KYAT3: variants seen among roughly 807,000 people sequenced by gnomAD.
KYAT3 encodes the protein kynurenine--oxoglutarate transaminase 3.
Under a neutral mutation model 59.0 loss-of-function variants are expected in KYAT3, and 50 were observed. The ratio of observed to expected loss-of-function variants is 0.85; its 90% CI spans 0.68 to 1.07. KYAT3 has a LOEUF of 1.07. KYAT3 is among the 50% of genes least tolerant of loss of function. The pLI, the probability that KYAT3 is intolerant of heterozygous loss-of-function variation, is 0.00. For missense variants in KYAT3, 497 were observed against 533.3 expected, an observed-to-expected ratio of 0.93 and a Z score of 0.67; for synonymous variants, 148 against 177.0, an observed-to-expected ratio of 0.84 and a Z score of 1.30.
chr1:88,964,624 TTGTC>T (rs1165627313), intron 5 of KYAT3: 3 of 514,518 alleles, frequency 5.8e-6, no homozygotes, highest in East Asian at 7.7e-5. Flanking sequence ...TATCATATCT[TTGTC>T]TGGTTGTAGT....
rs527490568 is a variant in KYAT3 at position 88,968,480 on chromosome 1, G to A, written c.303+190C>T. Reference sequence around the variant, plus strand: ...GCCAAAAGAAAGAAAAGTGTAGAGGGGCTGGAAGTAGGCGAAGGCTCATCT... The same window carrying A: ...GCCAAAAGAAAGAAAAGTGTAGAGGAGCTGGAAGTAGGCGAAGGCTCATCT... On this transcript the variant is annotated intron_variant, in intron 4 of 13. Transcript: ENST00000260508. Among the ~76,000 whole-genome samples, 3 of 152,220 alleles carry A rather than the reference G, an allele frequency of 2.0e-5. 1 individual carries two copies. Among genetic ancestry groups the A allele is most frequent in the Middle Eastern group, 6.8e-3 (2 of 294 alleles).
chr1:88,968,842 A>G lies in KYAT3; in HGVS notation c.159-28T>C, dbSNP rs201347952. On this transcript the variant is annotated intron_variant, in intron 3 of 13. Transcript: ENST00000260508. ...AAGATTGAAAAAAATACTAATATTA[A>G]TAAGTTCTACAATTATAAAGTTCGC... The G allele has an allele frequency of 4.6e-5, 70 of 1,521,686 alleles. No individual in the cohort carries two copies. The African/African-American group carries it at 8.9e-4, about 19-fold the overall frequency. The allele number at this position is 1,521,686 out of a possible 1,614,324, so 94.3% of individuals were successfully genotyped here. A position where few individuals can be genotyped will look rare whatever the true frequency, so the allele number is the denominator to read the frequency against.
chr1:88,963,038 G>A (rs1209098459), intron 5 of KYAT3, among the ~76,000 whole-genome samples: 2 of 150,562 alleles, frequency 1.3e-5, no homozygotes, highest in Non-Finnish European at 2.9e-5. Flanking sequence ...TTTAGGTGCT[G>A]GCAGTAAAGC....
intron 2 of KYAT3, among the ~76,000 whole-genome samples, chr1:88,978,054 T>C (rs1676875262): frequency 1.3e-5 from 2 of 152,048 alleles, no homozygotes; most frequent in Non-Finnish European, 2.9e-5. Context: ...CTATTGTATA[T>C]AGATATGTAT....
In KYAT3 at chr1:88,951,693, G is replaced by A. The variant is rs567521899; in HGVS notation, c.954+1370C>T. Among the ~76,000 whole-genome samples, 12 of 151,492 alleles carry A rather than the reference G, an allele frequency of 7.9e-5. 1 individual carries two copies. The South Asian group carries it at 1.7e-3, about 21-fold the overall frequency. The stretch of plus-strand genomic sequence containing the variant: ...TAGTTTTTCTTTTTTACTTTATGAT[G>A]TATTCTAGAAATCTTTTTTATCTCA... On this transcript the variant is annotated intron_variant, in intron 10 of 13. Coordinates refer to ENST00000260508, the MANE Select transcript of KYAT3 (RefSeq NM_001008661.3).
At chr1:88,955,059 C>G (rs557039614) in intron 9 of KYAT3, 90 bp downstream of exon 9, 3 of 856,026 alleles carry the variant, frequency 3.5e-6, no homozygotes, top group South Asian at 1.4e-5. Context: ...AGCCACCATG[C>G]CTGGCCAGCA....
intron 4 of KYAT3, among the ~76,000 whole-genome samples, chr1:88,965,695 T>C (rs1195539134): frequency 6.6e-6 from 1 of 152,134 alleles, no homozygotes; most frequent in Non-Finnish European, 1.5e-5. Flanking sequence ...CCCCTCCTTG[T>C]TTTATTTGGT....
At chr1:88,991,881 T>C (rs1355078791) in intron 1 of KYAT3, among the ~76,000 whole-genome samples, 1 of 152,168 alleles carries the variant, frequency 6.6e-6, no homozygotes, top group Non-Finnish European at 1.5e-5. Context: ...TCTGCGCCAC[T>C]CGACTCCAAA....
rs992144197 is a variant in KYAT3, at chr1:88,936,054, T to C, written c.*129A>G. The stretch of plus-strand genomic sequence containing the variant: ...TTGTTAGGAGTTGGGTTAACTGCTT[T>C]GGAAAAACAATGGAAATATTTAAAT... On this transcript the variant is annotated 3_prime_UTR_variant, in exon 14 of 14. Transcript: ENST00000260508. 1.8e-5 allele frequency: 12 copies of C among 660,146 alleles called. No homozygotes were observed. In the African/African-American group the frequency reaches 2.1e-4, roughly 12 times the overall value. The allele number at this position is 660,146 out of a possible 1,614,324, so 40.9% of individuals were successfully genotyped here.
At chr1:88,977,169 C>A (rs1676823492) in intron 2 of KYAT3, among the ~76,000 whole-genome samples, 1 of 150,634 alleles carries the variant, frequency 6.6e-6, no homozygotes, top group South Asian at 2.1e-4. Context: ...CACGTGCCAC[C>A]ATGCCCAGCT....
chr1:88,926,827 C>A, the KYAT3 span, among the ~76,000 whole-genome samples: 1 of 152,204 alleles, frequency 6.6e-6, no homozygotes, highest in Non-Finnish European at 1.5e-5. Flanking sequence ...AGGTTACCCA[C>A]ACCCTCTCTG....
At chr1:88,926,956 A>T in the KYAT3 span, among the ~76,000 whole-genome samples, 1 of 152,154 alleles carries the variant, frequency 6.6e-6, no homozygotes, top group Non-Finnish European at 1.5e-5. Context: ...GCACAAATGC[A>T]ATGTTGGGCA....
rs767558764 is a variant in KYAT3 at position 88,962,176 on chromosome 1, G to A, written c.454-31C>T. 13 of 1,438,110 alleles carry A rather than the reference G, an allele frequency of 9.0e-6. No individual in the cohort carries two copies. The East Asian group carries it at 3.0e-4, about 33-fold the overall frequency. The allele number at this position is 1,438,110 out of a possible 1,614,324, so 89.1% of individuals were successfully genotyped here. ...ATAAAAGCAAATAAGATCACAACCT[G>A]TCAATCATTTATTCATGTTAATAAT... On this transcript the variant is annotated intron_variant, in intron 5 of 13. Transcript: ENST00000260508.
At chr1:88,955,586 G>C (rs376230978) in intron 8 of KYAT3, among the ~76,000 whole-genome samples, 3 of 152,178 alleles carry the variant, frequency 2.0e-5, no homozygotes, top group African/African-American at 7.2e-5. Context: ...CTGCAGGTTC[G>C]ATAAAATAGG....
At chr1:88,992,012 T>C (rs1677830238) in intron 1 of KYAT3, among the ~76,000 whole-genome samples, 1 of 147,868 alleles carries the variant, frequency 6.8e-6, no homozygotes, top group Non-Finnish European at 1.5e-5. Context: ...GGAGTCTTGC[T>C]CTGTCGCCCA....
intron 5 of KYAT3, chr1:88,964,534 T>C (rs562365354): frequency 9.9e-6 from 3 of 302,704 alleles, no homozygotes; most frequent in East Asian, 8.0e-5. Flanking sequence ...CCTATGGTAA[T>C]AGAAGACAGA....
chr1:88,961,370 G>C lies in KYAT3; in HGVS notation c.666+11C>G. 6.2e-7 allele frequency: 1 copy of C among 1,613,738 alleles called. No individual in the cohort carries two copies. Among genetic ancestry groups the C allele is most frequent in the Non-Finnish European group, 8.5e-7 (1 of 1,179,812 alleles). On this transcript the variant is annotated intron_variant, in intron 7 of 13. Coordinates refer to ENST00000260508, the MANE Select transcript of KYAT3 (RefSeq NM_001008661.3). ...GTCAGAAGACTGTATAAGGAGATGAGACTTGCTTACCTTGCCAAGTGGGTT... is the reference window on the plus strand; with the variant it reads ...GTCAGAAGACTGTATAAGGAGATGACACTTGCTTACCTTGCCAAGTGGGTT...
chr1:88,976,780 C>T (rs1031700555), intron 2 of KYAT3, among the ~76,000 whole-genome samples: 17 of 151,674 alleles, frequency 1.1e-4, no homozygotes, highest in East Asian at 3.9e-4. Flanking sequence ...TCCAGTTCAT[C>T]GGTAGGTCTA....
chr1:88,928,381 T>TAA, the KYAT3 span, among the ~76,000 whole-genome samples: 2 of 145,418 alleles, frequency 1.4e-5, no homozygotes, highest in African/African-American at 5.0e-5. Flanking sequence ...ACAAACGGGA[T>TAA]AAAAAAAAAA....
Sources: allele counts gnomAD v4.1 joint callset (sites outside exome capture counted in the v4.1 genomes callset), GRCh38; gene constraint gnomAD v4.1.1; transcripts MANE v1.5; gene names NCBI Gene and HGNC (gene_info 2026-07-23, HGNC 2026-07-21).